Variants in FOXP1 observed in about 807,000 individuals in gnomAD.
FOXP1 encodes the protein forkhead box protein P1.
A neutral mutation model predicts 98.2 loss-of-function variants in FOXP1; 15 were observed. The observed-to-expected ratio is 0.15, with a 90% confidence interval of 0.10 to 0.24. The LOEUF (loss-of-function observed/expected upper bound fraction) is 0.24. Ranked by LOEUF, FOXP1 falls within the 10% of genes least tolerant of loss-of-function variation. FOXP1 has a pLI of 1.00. For synonymous variants in FOXP1, 371 were observed against 314.5 expected, an observed-to-expected ratio of 1.18 and a Z score of -1.90; for missense variants, 633 against 848.5, an observed-to-expected ratio of 0.75 and a Z score of 3.15.
intron 2 of FOXP1, among the ~76,000 whole-genome samples, chr3:71,544,303 C>CTA (rs1435213268): frequency 6.7e-6 from 1 of 149,454 alleles, no homozygotes; most frequent in Admixed American, 6.7e-5. Flanking sequence ...CTATAAACTG[C>CTA]TATAGCATTG....
At chr3:71,156,512 G>A (rs1197394570) in intron 6 of FOXP1, among the ~76,000 whole-genome samples, 2 of 152,182 alleles carry the variant, frequency 1.3e-5, no homozygotes, top group African/African-American at 2.4e-5. Flanking sequence ...CTGGGAGGGG[G>A]GGAAAAGAGT....
rs758917207 is a variant in FOXP1 at position 71,112,527 on chromosome 3, A to T, written c.282+9T>A. The stretch of plus-strand genomic sequence containing the variant: ...ATAATGTCAATTTAAAAAGAAAAAG[A>T]ATTGTTACCTGAAGAGCTGGTTGTT... On this transcript the variant is annotated intron_variant, in intron 7 of 20. Transcript: ENST00000649528. 6.2e-7 allele frequency: 1 copy of T among 1,601,768 alleles called. No homozygotes were observed. Among genetic ancestry groups the T allele is most frequent in the Non-Finnish European group, 8.6e-7 (1 of 1,168,734 alleles).
intron 13 of FOXP1, among the ~76,000 whole-genome samples, chr3:70,992,056 T>G (rs1236226288): frequency 6.6e-6 from 1 of 152,202 alleles, no homozygotes; most frequent in Non-Finnish European, 1.5e-5. Flanking sequence ...GGCACCTAAA[T>G]GAATGCATGA....
In FOXP1 at chr3:71,404,120, C is replaced by CTTTTTTTTTT. The variant is rs869086663; in HGVS notation, c.-167-44886_-167-44877dup. Among the ~76,000 whole-genome samples, 196 of 62,684 alleles carry CTTTTTTTTTT rather than the reference C, an allele frequency of 3.1e-3. 4 individuals are homozygous for CTTTTTTTTTT. Among genetic ancestry groups the CTTTTTTTTTT allele is most frequent in the Non-Finnish European group, 3.5e-3 (127 of 35,832 alleles). The allele number at this position is 62,684 out of a possible 152,430, so 41.1% of individuals were successfully genotyped here. On this transcript the variant is annotated intron_variant, in intron 3 of 20. Coordinates refer to ENST00000649528, the MANE Select transcript of FOXP1 (RefSeq NM_001349338.3). ...ATTGGGGTTTTTTTCTTTTCTTTTT[C>CTTTTTTTTTT]TTTTTTTTTTTTTTTTTTTTTTTTG... is the stretch of plus-strand genomic sequence containing the variant.
At position 71,244,915 on chromosome 3, in the gene FOXP1, T is replaced by A. The variant is rs1490206687; in HGVS notation, c.-11-46523A>T. 4 of 149,644 alleles carry A rather than the reference T, an allele frequency of 2.7e-5. No homozygotes were observed. The East Asian group carries it at 7.8e-4, about 29-fold the overall frequency. The allele number at this position is 149,644 out of a possible 1,614,324, so 9.3% of individuals were successfully genotyped here. A position where few individuals can be genotyped will look rare whatever the true frequency, so the allele number is the denominator to read the frequency against. On this transcript the variant is annotated intron_variant, in intron 5 of 20. Coordinates refer to ENST00000649528, the MANE Select transcript of FOXP1 (RefSeq NM_001349338.3). ...CTCATGAGATATGTATGCAAAGATA[T>A]GTCTCAAGGAATTAATCCAGAGCCC... is the stretch of plus-strand genomic sequence containing the variant.
chr3:71,167,914 C>T (rs2061468135), intron 6 of FOXP1, among the ~76,000 whole-genome samples: 3 of 152,148 alleles, frequency 2.0e-5, no homozygotes, highest in Admixed American at 2.0e-4. Context: ...CAATATGTTC[C>T]TTAACATTGC....
intron 3 of FOXP1, among the ~76,000 whole-genome samples, chr3:71,444,219 G>A (rs545647603): frequency 4.6e-5 from 7 of 152,168 alleles, no homozygotes; most frequent in South Asian, 2.1e-4. Flanking sequence ...TTTTTGCTGC[G>A]CCTGAACACA....
intron 5 of FOXP1, 33 bp from the exon 6 acceptor site, chr3:71,198,425 A>AGGGGGGGGGGGGGG (rs747142970): frequency 1.1e-5 from 6 of 530,060 alleles, no homozygotes; most frequent in East Asian, 4.4e-5. Flanking sequence ...GGGGGGAGGG[A>AGGGGGGGGGGGGGG]GGGGGGGAGA....
At chr3:71,316,638 C>G (rs980521860) in intron 4 of FOXP1, among the ~76,000 whole-genome samples, 1 of 151,818 alleles carries the variant, frequency 6.6e-6, no homozygotes, top group Admixed American at 6.6e-5. Flanking sequence ...GGCAAGTCAA[C>G]AGAATCTTCT....
intron 12 of FOXP1, among the ~76,000 whole-genome samples, chr3:71,009,248 T>C (rs142970765): frequency 7.0e-5 from 10 of 142,878 alleles, no homozygotes; most frequent in Non-Finnish European, 1.4e-4. Context: ...TAACCCTGGA[T>C]AGCTATGTCC....
chr3:71,160,525 T>C (rs1181873845), intron 6 of FOXP1, among the ~76,000 whole-genome samples: 1 of 152,230 alleles, frequency 6.6e-6, no homozygotes, highest in African/African-American at 2.4e-5. Flanking sequence ...ATATTTCCAC[T>C]TGAGTTCCAG....
chr3:71,058,869 A>G (rs1345106062), intron 7 of FOXP1, among the ~76,000 whole-genome samples: 1 of 151,896 alleles, frequency 6.6e-6, no homozygotes, highest in Non-Finnish European at 1.5e-5. Context: ...CACTTCTGAT[A>G]TAATATTTCG....
In FOXP1 at chr3:70,972,696, G is replaced by C. The variant is rs551978307; in HGVS notation, c.1531-20C>G. 1 of 1,613,196 alleles carries C rather than the reference G, an allele frequency of 6.2e-7. No individual in the cohort carries two copies. The highest frequency in any genetic ancestry group is 8.5e-7 in the Non-Finnish European group (1 of 1,179,346). ...TGCATTCTGCAGCAAGTATAAAAGA[G>C]AGAACATTTACATTTTCTATAAGAA... is the stretch of plus-strand genomic sequence containing the variant. On this transcript the variant is annotated intron_variant, in intron 17 of 20. Transcript: ENST00000649528.
chr3:71,315,181 T>G (rs2075000846), intron 4 of FOXP1, among the ~76,000 whole-genome samples: 1 of 152,106 alleles, frequency 6.6e-6, no homozygotes, highest in African/African-American at 2.4e-5. Context: ...AACCAGCCTT[T>G]TATTTAATTG....
intron 6 of FOXP1, among the ~76,000 whole-genome samples, chr3:71,143,433 GCA>G (rs1032593483): frequency 1.3e-5 from 2 of 152,114 alleles, no homozygotes; most frequent in South Asian, 2.1e-4. Flanking sequence ...CCTCTTTGTT[GCA>G]CAGTCTTCTG....
At chr3:71,441,587 A>C (rs898664414) in intron 3 of FOXP1, among the ~76,000 whole-genome samples, 7 of 152,244 alleles carry the variant, frequency 4.6e-5, no homozygotes, top group Admixed American at 1.3e-4. Context: ...CGTCACTAAC[A>C]GGGAACCATT....
chr3:71,122,854 C>G (rs912883901), intron 6 of FOXP1, among the ~76,000 whole-genome samples: 1 of 152,174 alleles, frequency 6.6e-6, no homozygotes, highest in East Asian at 1.9e-4. Context: ...ATCAAGGTCA[C>G]TGATTAGACC....
chr3:71,311,945 G>A (rs979539805), intron 4 of FOXP1, among the ~76,000 whole-genome samples: 22 of 152,132 alleles, frequency 1.4e-4, no homozygotes. Context: ...CCAAGGCGAG[G>A]CTTCCCCAAA....
intron 6 of FOXP1, among the ~76,000 whole-genome samples, chr3:71,114,409 C>G (rs1212735211): frequency 6.6e-6 from 1 of 152,130 alleles, no homozygotes; most frequent in East Asian, 1.9e-4. Flanking sequence ...CAGTGCTTCT[C>G]CTAAAAGGAC....
Sources: gnomAD v4.1 joint callset for allele counts (sites outside exome capture counted in the v4.1 genomes callset) on GRCh38, gnomAD v4.1.1 for gene constraint, MANE v1.5 for transcripts, NCBI Gene and HGNC (gene_info 2026-07-23, HGNC 2026-07-21) for gene names.